Variants in DGKD observed in about 807,000 individuals in gnomAD.
The protein encoded by DGKD is diacylglycerol kinase delta.
DGKD carries 68 observed loss-of-function variants against 154.4 expected under a neutral mutation model. The observed-to-expected ratio is 0.44, with a 90% confidence interval of 0.36 to 0.54. The LOEUF (loss-of-function observed/expected upper bound fraction) is 0.54. Ranked by LOEUF, DGKD falls within the 20% of genes least tolerant of loss-of-function variation. The pLI is 0.00. For synonymous variants in DGKD, 693 were observed against 638.0 expected, an observed-to-expected ratio of 1.09 and a Z score of -1.30; for missense variants, 1,343 against 1,593.6, an observed-to-expected ratio of 0.84 and a Z score of 2.68.
intron 3 of DGKD, among the ~76,000 whole-genome samples, chr2:233,396,354 G>C (rs558266264): frequency 6.6e-6 from 1 of 152,122 alleles, no homozygotes; most frequent in Non-Finnish European, 1.5e-5. Context: ...CATGTGCTTT[G>C]TCTTGTTCTT....
chr2:233,446,134 C>T (rs2063062009), intron 11 of DGKD, among the ~76,000 whole-genome samples: 1 of 152,206 alleles, frequency 6.6e-6, no homozygotes. Context: ...ATATTCTGTT[C>T]CCAGAAGAAG....
Position 233,380,812 on chromosome 2 carries a change from G to A in DGKD, c.157-7445G>A, listed in dbSNP as rs547768223. ...TCCTGGGGGTTTGGGCATACACATC[G>A]TTGCCACTTTTTGGCTTTTTTGGGT... On this transcript the variant is annotated intron_variant, in intron 1 of 29. Transcript: ENST00000264057. Among the ~76,000 whole-genome samples the A allele has an allele frequency of 1.4e-4, 21 of 152,270 alleles. No homozygotes were observed. The South Asian group carries it at 1.9e-3, about 14-fold the overall frequency.
At chr2:233,456,375 G>T (rs765007862) in intron 19 of DGKD, among the ~76,000 whole-genome samples, 1 of 152,324 alleles carries the variant, frequency 6.6e-6, no homozygotes, top group Non-Finnish European at 1.5e-5. Flanking sequence ...GGACCAAGTA[G>T]GTCGTGAAAC....
rs145385967 is a variant in DGKD at position 233,361,754 on chromosome 2, T to C, written c.156+7080T>C. 2.8e-3 allele frequency among the ~76,000 whole-genome samples: 432 copies of C among 152,368 alleles called. 10 individuals are homozygous for C. The East Asian group carries it at 0.055, about 19-fold the overall frequency. On this transcript the variant is annotated intron_variant, in intron 1 of 29. Transcript: ENST00000264057. ...GGAGGTCACGAGTTTGAGACCAGCC[T>C]GGCCAACATGGCAAGATCCCGCCTC...
intron 18 of DGKD, among the ~76,000 whole-genome samples, chr2:233,453,809 C>T (rs183630081): frequency 1.5e-4 from 22 of 151,520 alleles, no homozygotes; most frequent in Middle Eastern, 6.8e-3. Context: ...GCAGGACTTC[C>T]AGCTGGGTGG....
intron 1 of DGKD, among the ~76,000 whole-genome samples, chr2:233,369,251 G>T (rs986101807): frequency 1.3e-5 from 2 of 152,152 alleles, no homozygotes; most frequent in Admixed American, 6.5e-5. Context: ...CATTCTGGGG[G>T]CCTCAGTTTT....
At chr2:233,380,570 C>A (rs945075396) in intron 1 of DGKD, among the ~76,000 whole-genome samples, 4 of 152,292 alleles carry the variant, frequency 2.6e-5, no homozygotes, top group Middle Eastern at 3.4e-3. Flanking sequence ...TCTCCTTGAC[C>A]AGTACTGGGG....
At chr2:233,453,383 C>A (rs1243462313) in intron 18 of DGKD, among the ~76,000 whole-genome samples, 1 of 152,210 alleles carries the variant, frequency 6.6e-6, no homozygotes, top group African/African-American at 2.4e-5. Flanking sequence ...CTGTTTCTCT[C>A]CGTTGGATCT....
rs182608834 is a variant in DGKD at position 233,458,024 on chromosome 2, C to T, written c.2581-260C>T. 2.4e-3 allele frequency among the ~76,000 whole-genome samples: 364 copies of T among 152,224 alleles called. No individual in the cohort carries two copies. Among genetic ancestry groups the T allele is most frequent in the Middle Eastern group, 3.4e-3 (1 of 294 alleles). The stretch of plus-strand genomic sequence containing the variant: ...GGCCCTACTGATGGCCCTGGAGGAG[C>T]GTGCCGTTAGTTTCCCCATTTTACG... On this transcript the variant is annotated intron_variant, in intron 21 of 29. Transcript: ENST00000264057. The surrounding 1 kb of genome is among the most constrained non-coding windows in gnomAD (Gnocchi z 6.6).
intron 17 of DGKD, 102 bp from the exon 18 acceptor site, chr2:233,451,862 A>T (rs1308434446): frequency 1.1e-6 from 1 of 948,892 alleles, no homozygotes; most frequent in Non-Finnish European, 1.6e-6. Context: ...TAATTATAAT[A>T]ACGTTCTGCA....
At position 233,466,134 on chromosome 2, in the gene DGKD, G is replaced by T. The variant is rs554453172; in HGVS notation, c.3307-952G>T. Among the ~76,000 whole-genome samples, 49 of 151,594 alleles carry T rather than the reference G, an allele frequency of 3.2e-4. No individual in the cohort carries two copies. In the South Asian group the frequency reaches 9.8e-3, roughly 30 times the overall value. On this transcript the variant is annotated intron_variant, in intron 27 of 29. Coordinates refer to ENST00000264057, the MANE Select transcript of DGKD (RefSeq NM_152879.3). The stretch of plus-strand genomic sequence containing the variant: ...TCATTTTACTGTGCTCCAAGCAATG[G>T]TCTGTATGTTACTAGTCCTTTGAAA...
chr2:233,454,249 T>G (rs1234103772), intron 18 of DGKD: 4 of 387,998 alleles, frequency 1.0e-5, no homozygotes, highest in Non-Finnish European at 2.1e-5. Context: ...GATGAGCAGG[T>G]CAATAGATGC....
In DGKD at chr2:233,445,715, C is replaced by G. The variant is rs747497481; in HGVS notation, c.1287C>G (p.Pro429=). The change falls in exon 11 of 30, where the codon CCC becomes CCG. Residue 429 remains proline, a synonymous_variant. Transcript: ENST00000264057. This position sits in a 1 kb window ranked among gnomAD's most constrained non-coding sequence, Gnocchi z 5.5. ...CCTGCGATGACGACACCCAGCTCCC[C>G]CAGATCTTGGAGAAGTTGGAGAGAG... ...GSACDDDTQL[P]QILEKLERAS... is the part of the protein sequence containing the mutation. The G allele has an allele frequency of 5.0e-6, 8 of 1,613,432 alleles. No individual in the cohort carries two copies. The highest frequency in any genetic ancestry group is 5.9e-6 in the Non-Finnish European group (7 of 1,179,706).
At chr2:233,389,813 A>G (rs796978707) in intron 2 of DGKD, among the ~76,000 whole-genome samples, 2 of 152,072 alleles carry the variant, frequency 1.3e-5, no homozygotes, top group African/African-American at 4.8e-5. Flanking sequence ...CCCAGGCCTG[A>G]CTCCCAGCCC....
chr2:233,417,970 A>G (rs886735373), intron 3 of DGKD, among the ~76,000 whole-genome samples: 16 of 152,208 alleles, frequency 1.1e-4, no homozygotes, highest in African/African-American at 3.9e-4. Flanking sequence ...AAATGTCAAT[A>G]GTGCTGAGGT....
In DGKD at chr2:233,467,136, C is replaced by T. The variant is rs759441289; in HGVS notation, c.3357C>T (p.Leu1119=). The T allele has an allele frequency of 1.7e-5, 28 of 1,614,092 alleles. No homozygotes were observed. The highest frequency in any genetic ancestry group is 8.3e-5 in the Admixed American group (5 of 60,008). ...GCAGTCGCAGTGGTAAATTCCGCCT[C>T]GTGACCAAGTTTAAAAAGGAGAAAA... ...AKRSRSGKFR[L]VTKFKKEKNN... is the part of the protein sequence containing the mutation. The change falls in exon 28 of 30, where the codon CTC becomes CTT. Residue 1119 remains leucine, a synonymous_variant. Coordinates refer to ENST00000264057, the MANE Select transcript of DGKD (RefSeq NM_152879.3).
At chr2:233,393,398 G>C (rs1703772447) in intron 3 of DGKD, among the ~76,000 whole-genome samples, 1 of 140,656 alleles carries the variant, frequency 7.1e-6, no homozygotes, top group Non-Finnish European at 1.5e-5. Context: ...GTATAGTGCT[G>C]TGATCTCGGC....
chr2:233,445,709 G>T lies in DGKD; in HGVS notation c.1281G>T (p.Gln427His). 6.2e-7 allele frequency: 1 copy of T among 1,613,630 alleles called. No individual in the cohort carries two copies. The highest frequency in any genetic ancestry group is 8.5e-7 in the Non-Finnish European group (1 of 1,179,804). ...GWGSACDDDT[Q>H]LPQILEKLER... Reference sequence around the variant, plus strand: ...GCTCAGCCTGCGATGACGACACCCAGCTCCCCCAGATCTTGGAGAAGTTGG... The same window carrying T: ...GCTCAGCCTGCGATGACGACACCCATCTCCCCCAGATCTTGGAGAAGTTGG... The change falls in exon 11 of 30, where the codon CAG becomes CAT. Residue 427 changes from glutamine to histidine, a missense_variant. Transcript: ENST00000264057. The surrounding 1 kb of genome is among the most constrained non-coding windows in gnomAD (Gnocchi z 5.5).
At chr2:233,454,915 T>C in intron 19 of DGKD, 42 bp downstream of exon 19, 1 of 1,279,148 alleles carries the variant, frequency 7.8e-7, no homozygotes, top group South Asian at 1.2e-5. Flanking sequence ...TTTGCGTCTT[T>C]GTGGCTTCTC....
Sources: allele counts gnomAD v4.1 joint callset (sites outside exome capture counted in the v4.1 genomes callset), GRCh38; gene constraint gnomAD v4.1.1; non-coding constraint Gnocchi (gnomAD v3.1); transcripts MANE v1.5; gene names NCBI Gene and HGNC (gene_info 2026-07-23, HGNC 2026-07-21).